Variants in DBN1 observed in about 807,000 individuals in gnomAD.
The protein encoded by DBN1 is drebrin.
Under a neutral mutation model 83.5 loss-of-function variants are expected in DBN1, and 21 were observed. The ratio of observed to expected loss-of-function variants is 0.25; its 90% confidence interval spans 0.18 to 0.36. The LOEUF (loss-of-function observed/expected upper bound fraction) is 0.36, where lower values mean the gene tolerates loss of function less well. Among genes scored for constraint, DBN1 ranks in the 10% least tolerant of loss-of-function variants. DBN1 has a pLI of 1.00. For synonymous variants in DBN1, 381 were observed against 384.9 expected (o/e 0.99, Z 0.12); for missense variants, 874 against 935.7 (o/e 0.93, Z 0.86).
intron 1 of DBN1, chr5:177,472,903 C>A (rs1757952495): frequency 2.1e-6 from 2 of 951,290 alleles, no homozygotes; most frequent in Admixed American, 6.2e-5. Context: ...AGAGGCCCCC[C>A]GGTGGGCGGG....
chr5:177,459,049 C>T (rs1756796553), intron 12 of DBN1, 49 bp downstream of exon 12: 1 of 1,553,230 alleles, frequency 6.4e-7, no homozygotes, highest in African/African-American at 1.4e-5. Flanking sequence ...GGGCTCCCAG[C>T]CAGGGACTGA....
intron 1 of DBN1, among the ~76,000 whole-genome samples, chr5:177,469,726 C>A (rs937398793): frequency 6.6e-6 from 1 of 152,214 alleles, no homozygotes; most frequent in Non-Finnish European, 1.5e-5. Flanking sequence ...GCTGCGGTGA[C>A]AGAGCAACCA....
Position 177,467,740 on chromosome 5 carries a change from C to T in DBN1, c.330+3G>A, listed in dbSNP as rs1301050731. 1.3e-6 allele frequency: 2 copies of T among 1,553,222 alleles called. No homozygotes were observed. Among genetic ancestry groups the T allele is most frequent in the Non-Finnish European group, 1.7e-6 (2 of 1,148,308 alleles). On this transcript the variant is annotated splice_donor_region_variant and intron_variant, in intron 4 of 14. Transcript: ENST00000393565. This position sits in a 1 kb window ranked among gnomAD's most constrained non-coding sequence, Gnocchi z 9.1. The stretch of plus-strand genomic sequence containing the variant: ...CCCAAGAGCGCTGGCCCCTGACACG[C>T]ACCTGGAAGAACTCCGCCACCTTAG...
chr5:177,472,481 T>G, intron 1 of DBN1: 1 of 1,172,582 alleles, frequency 8.5e-7, no homozygotes, highest in Non-Finnish European at 1.1e-6. Flanking sequence ...TCCACCACCC[T>G]GGGCCGCCAG....
intron 1 of DBN1, 45 bp from the exon 2 acceptor site, chr5:177,468,944 C>CCAG: frequency 7.9e-7 from 1 of 1,266,662 alleles, no homozygotes; most frequent in Non-Finnish European, 1.0e-6. Context: ...GGGCCCAGGC[C>CCAG]GCCAATTCTG....
intron 11 of DBN1, 109 bp from the exon 12 acceptor site, chr5:177,459,377 C>T (rs1756834587): frequency 1.3e-6 from 2 of 1,490,254 alleles, no homozygotes; most frequent in African/African-American, 1.4e-5. Context: ...TGGGTGGGGG[C>T]TGGGAGCTCT....
chr5:177,471,100 G>A (rs1370514269), intron 1 of DBN1, among the ~76,000 whole-genome samples: 1 of 152,162 alleles, frequency 6.6e-6, no homozygotes, highest in Non-Finnish European at 1.5e-5. Context: ...ACTAGCGTGA[G>A]GTGGGAGCTG....
intron 1 of DBN1, chr5:177,472,535 A>T: frequency 1.4e-6 from 1 of 699,518 alleles, no homozygotes; most frequent in Non-Finnish European, 2.0e-6. Context: ...TCAGCGGGAG[A>T]CAACAGCTGG....
chr5:177,459,483 TGCCTGCCCTGG>T, intron 11 of DBN1, 109 bp downstream of exon 11: 2 of 1,316,126 alleles, frequency 1.5e-6, no homozygotes, highest in Non-Finnish European at 2.0e-6. Flanking sequence ...AGGCAGGCAG[TGCCTGCCCTGG>T]GGGCAAACAC....
chr5:177,472,328 T>G, intron 1 of DBN1: 1 of 1,520,548 alleles, frequency 6.6e-7, no homozygotes, highest in East Asian at 2.5e-5. Context: ...TTGCCTCAGT[T>G]TCCTCAAGAA....
rs779407993 is a variant in DBN1, at chr5:177,467,842, G to A, written c.256-25C>T. The A allele has an allele frequency of 1.1e-4, 173 of 1,575,468 alleles. No individual in the cohort carries two copies. The highest frequency in any genetic ancestry group is 1.5e-4 in the Non-Finnish European group (171 of 1,160,988). ...CCTGCAAAGTACCCAGCAAAGAGGG[G>A]GTCAGGAAAGGACAAGGGGGGCCCT... On this transcript the variant is annotated intron_variant, in intron 3 of 14. Coordinates refer to ENST00000393565, the MANE Select transcript of DBN1 (RefSeq NM_001363541.2). The surrounding 1 kb of genome is among the most constrained non-coding windows in gnomAD (Gnocchi z 9.1).
chr5:177,471,185 G>A (rs1246052116), intron 1 of DBN1, among the ~76,000 whole-genome samples: 1 of 152,084 alleles, frequency 6.6e-6, no homozygotes, highest in East Asian at 1.9e-4. Context: ...AGCTGGAGTC[G>A]GGGGCTGAGG....
intron 11 of DBN1, 76 bp downstream of exon 11, chr5:177,459,527 G>T: frequency 1.3e-5 from 18 of 1,422,514 alleles, no homozygotes; most frequent in Non-Finnish European, 1.6e-5. Context: ...GTCAGACTGG[G>T]GGAGTGAGGG....
In DBN1 at chr5:177,458,409, G is replaced by A. The variant is rs938064540; in HGVS notation, c.1563C>T (p.Leu521=). The A allele has an allele frequency of 1.9e-6, 3 of 1,614,196 alleles. No homozygotes were observed. The highest frequency in any genetic ancestry group is 2.5e-6 in the Non-Finnish European group (3 of 1,179,996). ...CCCCGTTGCCAGGCCATAGGTCAAT[G>A]AGGCTGGTGGCGGCGGGGGGTACGT... is the stretch of plus-strand genomic sequence containing the variant. ...ANNVPPAATS[L]IDLWPGNGEG... is the part of the protein sequence containing the mutation. Residue 521 remains leucine (L), a synonymous_variant, in exon 13 of 15, where the codon CTC becomes CTT. Transcript: ENST00000393565.
At chr5:177,457,851 C>A (rs934783721) in intron 13 of DBN1, 94 bp from the exon 14 acceptor site, 2 of 1,087,158 alleles carry the variant, frequency 1.8e-6, no homozygotes, top group African/African-American at 3.1e-5. Context: ...ACCAATGATT[C>A]CATCAGTGGT....
intron 1 of DBN1, chr5:177,472,479 C>CCCAG: frequency 8.5e-7 from 1 of 1,179,670 alleles, no homozygotes; most frequent in Non-Finnish European, 1.1e-6. Context: ...TTTCCACCAC[C>CCCAG]CTGGGCCGCC....
chr5:177,465,624 G>A (rs753514265), intron 8 of DBN1, among the ~76,000 whole-genome samples: 5 of 152,162 alleles, frequency 3.3e-5, no homozygotes, highest in African/African-American at 4.8e-5. Context: ...GGGAGGCCGA[G>A]GCGGGCAGAT....
At position 177,460,523 on chromosome 5, in the gene DBN1, G is replaced by A. The variant is rs770233252; in HGVS notation, c.864C>T (p.Asp288=). The change falls in exon 10 of 15, where the codon GAC becomes GAT. Residue 288 remains aspartate, a synonymous_variant. Transcript: ENST00000393565. ...EAAAIIAQRP[D]NPREFFKQQE... is the part of the protein sequence containing the mutation. ...GCTGCTTGAAGAACTCCCTTGGGTT[G>A]TCAGGCCGCTGGGCAATAATAGCTG... The A allele has an allele frequency of 4.6e-5, 75 of 1,614,068 alleles. No individual in the cohort carries two copies. Among genetic ancestry groups the A allele is most frequent in the Non-Finnish European group, 6.0e-5 (71 of 1,180,034 alleles).
chr5:177,459,314 G>A, intron 11 of DBN1, 46 bp from the exon 12 acceptor site: 2 of 1,588,028 alleles, frequency 1.3e-6, no homozygotes, highest in Middle Eastern at 1.9e-4. Flanking sequence ...GGGGAGCCGG[G>A]TGAGACAGGA....
Sources: allele counts gnomAD v4.1 joint callset (sites outside exome capture counted in the v4.1 genomes callset), GRCh38; gene constraint gnomAD v4.1.1; non-coding constraint Gnocchi (gnomAD v3.1); transcripts MANE v1.5; gene names NCBI Gene and HGNC (gene_info 2026-07-23, HGNC 2026-07-21).